Variants in RBFOX1 observed in about 807,000 individuals in gnomAD.
RBFOX1 encodes RNA binding protein fox-1 homolog 1.
Under a neutral mutation model 57.7 loss-of-function variants are expected in RBFOX1, and 8 were observed. The ratio of observed to expected loss-of-function variants is 0.14; its 90% CI spans 0.08 to 0.25. The LOEUF is 0.25. Among genes scored for constraint, RBFOX1 ranks in the 10% least tolerant of loss-of-function variants. The pLI, the probability that RBFOX1 is intolerant of heterozygous loss-of-function variation, is 1.00. For missense variants in RBFOX1, 611 were observed against 548.5 expected (o/e 1.11, Z -1.14); for synonymous variants, 326 against 222.4 (o/e 1.47, Z -4.15).
rs368754820 is a variant in RBFOX1, at chr16:6,874,279, G to T, written c.-15-177778G>T. Among the ~76,000 whole-genome samples, 66 of 152,178 alleles carry T rather than the reference G, an allele frequency of 4.3e-4. 2 individuals carry two copies. The South Asian group carries it at 0.011, about 25-fold the overall frequency. ...AATCCCAGCACTTCGGGAGGCTGAG[G>T]CAGGTGGATAATCTGAGGTCAGGAG... On this transcript the variant is annotated intron_variant, in intron 3 of 15. Transcript: ENST00000550418.
chr16:5,278,402 G>A (rs936861253), intron 1 of RBFOX1, among the ~76,000 whole-genome samples: 1 of 152,248 alleles, frequency 6.6e-6, no homozygotes, highest in East Asian at 1.9e-4. Context: ...TGGCGATTGC[G>A]TTTGGCATCT....
chr16:7,427,131 G>T (rs2098628104), intron 4 of RBFOX1, among the ~76,000 whole-genome samples: 1 of 152,186 alleles, frequency 6.6e-6, no homozygotes, highest in African/African-American at 2.4e-5. Context: ...GGGGGGAGCG[G>T]AGAGGGATAG....
chr16:6,501,336 T>G (rs2095918054), intron 2 of RBFOX1, among the ~76,000 whole-genome samples: 1 of 119,742 alleles, frequency 8.4e-6, no homozygotes, highest in Non-Finnish European at 1.6e-5. Flanking sequence ...TTCCCCTTCC[T>G]GTGTCCATGT....
rs149201866 is a variant in RBFOX1 at position 6,824,189 on chromosome 16, G to A, written c.-16+169539G>A. The stretch of plus-strand genomic sequence containing the variant: ...GGAGGCCAGGGCGGGTGGATCACCT[G>A]AGGTCAGGAGTTCGAGACCAGTCTG... On this transcript the variant is annotated intron_variant, in intron 3 of 15. Transcript: ENST00000550418. 5.1e-4 allele frequency among the ~76,000 whole-genome samples: 77 copies of A among 152,358 alleles called. 1 individual carries two copies. The highest frequency in any genetic ancestry group is 1.7e-3 in the African/African-American group (72 of 41,578).
chr16:6,403,901 G>A (rs1333557585), intron 2 of RBFOX1, among the ~76,000 whole-genome samples: 1 of 152,162 alleles, frequency 6.6e-6, no homozygotes, highest in Admixed American at 6.5e-5. Flanking sequence ...AATAGGACTG[G>A]TGGCATTATA....
intron 3 of RBFOX1, among the ~76,000 whole-genome samples, chr16:6,965,760 G>T (rs1261279162): frequency 6.6e-6 from 1 of 152,154 alleles, no homozygotes; most frequent in Non-Finnish European, 1.5e-5. Flanking sequence ...TTATCCTGGG[G>T]TGCTTTCTCC....
intron 3 of RBFOX1, chr16:5,610,725 T>A (rs920333791): frequency 6.6e-6 from 1 of 151,964 alleles, no homozygotes; most frequent in African/African-American, 2.4e-5. Context: ...AAAAATTTAA[T>A]GGCGTGGTAG....
intron 3 of RBFOX1, among the ~76,000 whole-genome samples, chr16:6,678,417 C>G (rs558307001): frequency 1.3e-5 from 2 of 151,884 alleles, no homozygotes; most frequent in Admixed American, 1.3e-4. Flanking sequence ...AGCCGCTGCA[C>G]CTGGCCAAAA....
chr16:6,111,407 TAC>T (rs1327397228), intron 1 of RBFOX1, among the ~76,000 whole-genome samples: 13 of 152,336 alleles, frequency 8.5e-5, no homozygotes, highest in South Asian at 4.1e-4. Context: ...ACTTTCCTGA[TAC>T]ACAGAGTGGG....
chr16:6,407,540 GGTGTGT>G (rs71406372), intron 2 of RBFOX1, among the ~76,000 whole-genome samples: 2 of 53,900 alleles, frequency 3.7e-5, no homozygotes, highest in Non-Finnish European at 6.9e-5. Flanking sequence ...GAAGGAGAGG[GGTGTGT>G]GTGTGTGTGT....
At chr16:5,918,455 C>T (rs913763448) in intron 4 of RBFOX1, among the ~76,000 whole-genome samples, 5 of 152,204 alleles carry the variant, frequency 3.3e-5, no homozygotes, top group African/African-American at 1.2e-4. Flanking sequence ...GGTGTGTGTG[C>T]AACTTGACAT....
At chr16:6,216,452 C>T (rs562043493) in intron 1 of RBFOX1, among the ~76,000 whole-genome samples, 2 of 152,228 alleles carry the variant, frequency 1.3e-5, no homozygotes, top group South Asian at 4.2e-4. Context: ...ACACCATTAG[C>T]TCCCCCTCTT....
chr16:5,609,319 G>A (rs12447382), intron 3 of RBFOX1, among the ~76,000 whole-genome samples: 17,817 of 152,238 alleles, frequency 0.12, 1,332 homozygotes, highest in Non-Finnish European at 0.15. Context: ...TACGCCATCA[G>A]TCTATCCCAT....
rs139850680 is a variant in RBFOX1, at chr16:6,396,362, A to G, written c.-64+79305A>G. ...AAGGAAGACGAGACTCAGGAAGGCTACAGTCTTACTGAGTTTGAGAAATAA... is the reference window on the plus strand; with the variant it reads ...AAGGAAGACGAGACTCAGGAAGGCTGCAGTCTTACTGAGTTTGAGAAATAA... On this transcript the variant is annotated intron_variant, in intron 2 of 15. Transcript: ENST00000550418. Among the ~76,000 whole-genome samples the G allele has an allele frequency of 7.7e-3, 1,169 of 152,306 alleles. 12 individuals carry two copies. The highest frequency in any genetic ancestry group is 0.013 in the Non-Finnish European group (879 of 68,024).
At chr16:7,041,264 G>T (rs1283218827) in intron 3 of RBFOX1, among the ~76,000 whole-genome samples, 1 of 151,788 alleles carries the variant, frequency 6.6e-6, no homozygotes, top group Non-Finnish European at 1.5e-5. Flanking sequence ...GAACACAGTG[G>T]CACCCATTTG....
At chr16:6,748,667 C>A (rs547775486) in intron 3 of RBFOX1, among the ~76,000 whole-genome samples, 1 of 152,110 alleles carries the variant, frequency 6.6e-6, no homozygotes, top group African/African-American at 2.4e-5. Context: ...TCAAACAAAA[C>A]ACCTAATTAT....
Position 7,273,111 on chromosome 16 carries a change from CCTCT to C in RBFOX1, c.27+221017_27+221020del, listed in dbSNP as rs1219898915. On this transcript the variant is annotated intron_variant, in intron 4 of 15. Coordinates refer to ENST00000550418, the MANE Select transcript of RBFOX1 (RefSeq NM_018723.4). ...TCTCCCTCCCTCCCTTTCCTCCTTC[CCTCT>C]CTCCCTCCCTTTCCTCCTTCCCTGC... Among the ~76,000 whole-genome samples, 7 of 128,192 alleles carry C rather than the reference CCTCT, an allele frequency of 5.5e-5. 1 individual carries two copies. The highest frequency in any genetic ancestry group is 9.8e-5 in the Non-Finnish European group (6 of 61,394). 84.1% of individuals were successfully genotyped at this position (128,192 alleles called of 152,430 possible).
intron 3 of RBFOX1, among the ~76,000 whole-genome samples, chr16:6,980,168 G>C (rs1049941903): frequency 2.0e-5 from 3 of 152,148 alleles, no homozygotes; most frequent in African/African-American, 7.2e-5. Flanking sequence ...AGCCTCCGCA[G>C]TTAGGATTTC....
intron 4 of RBFOX1, among the ~76,000 whole-genome samples, chr16:5,967,908 A>C (rs887308923): frequency 2.0e-5 from 3 of 152,122 alleles, no homozygotes; most frequent in East Asian, 3.9e-4. Context: ...TGGTATCCCT[A>C]CCATTCCTCT....
Sources: allele counts gnomAD v4.1 joint callset (sites outside exome capture counted in the v4.1 genomes callset), GRCh38; gene constraint gnomAD v4.1.1; transcripts MANE v1.5; gene names NCBI Gene and HGNC (gene_info 2026-07-23, HGNC 2026-07-21).